SRP54: variants seen among roughly 807,000 people sequenced by gnomAD.
The protein encoded by SRP54 is signal recognition particle 54, also known as signal recognition particle subunit SRP54.
In SRP54, 10 loss-of-function variants were observed where a neutral mutation model predicts 64.8. The observed-to-expected ratio is 0.15, with a 90% CI of 0.10 to 0.26. SRP54 has a LOEUF of 0.26. Among genes scored for constraint, SRP54 ranks in the 10% least tolerant of loss-of-function variants. The probability of loss-of-function intolerance (pLI) is 1.00; values close to 1 mark genes in which losing one functional copy is unlikely to be tolerated. For synonymous variants in SRP54, 193 were observed against 185.6 expected (o/e 1.04, Z -0.32); for missense variants, 325 against 613.7 (o/e 0.53, Z 4.97).
intron 15 of SRP54, 25 bp from the exon 16 acceptor site, chr14:35,029,036 C>T (rs770594170): frequency 1.3e-6 from 2 of 1,582,536 alleles, no homozygotes; most frequent in East Asian, 2.2e-5. Flanking sequence ...CTGTTTTTAA[C>T]TCTACTTCCC....
At chr14:35,027,485 C>T (rs2044651117) in intron 14 of SRP54, among the ~76,000 whole-genome samples, 1 of 152,122 alleles carries the variant, frequency 6.6e-6, no homozygotes, top group South Asian at 2.1e-4. Flanking sequence ...TGACCAGGTA[C>T]GGTGTCTCAC....
intron 10 of SRP54, 132 bp from the exon 11 acceptor site, chr14:35,014,612 C>A: frequency 1.5e-6 from 1 of 671,996 alleles, no homozygotes; most frequent in Non-Finnish European, 2.5e-6. Flanking sequence ...TTGGTTTTCT[C>A]ATTTGTGTAG....
Position 35,025,831 on chromosome 14 carries a change from G to A in SRP54, c.1328-2257G>A, listed in dbSNP as rs557926124. Among the ~76,000 whole-genome samples the A allele has an allele frequency of 2.0e-5, 3 of 152,206 alleles. No homozygotes were observed. The East Asian group carries it at 5.8e-4, about 29-fold the overall frequency. ...TAACCAGCTGTGATTGGAGAATCAGGAGGAGCTTTGAGTCCCATATTTTAT... is the reference window on the plus strand; with the variant it reads ...TAACCAGCTGTGATTGGAGAATCAGAAGGAGCTTTGAGTCCCATATTTTAT... On this transcript the variant is annotated intron_variant, in intron 14 of 15. Coordinates refer to ENST00000216774, the MANE Select transcript of SRP54 (RefSeq NM_003136.4).
At chr14:35,011,477 G>T (rs755935587) in intron 7 of SRP54, 32 bp from the exon 8 acceptor site, 21 of 1,379,266 alleles carry the variant, frequency 1.5e-5, no homozygotes, top group African/African-American at 8.8e-5. Context: ...AAGTTTTGTC[G>T]TTTTGTTAAA....
intron 12 of SRP54, 55 bp from the exon 13 acceptor site, chr14:35,018,911 A>T (rs2044482330): frequency 2.6e-6 from 4 of 1,521,268 alleles, no homozygotes; most frequent in Non-Finnish European, 3.6e-6. Context: ...AAATGTGGAC[A>T]TTTTGAACCA....
intron 2 of SRP54, among the ~76,000 whole-genome samples, chr14:34,999,015 T>TG (rs1555353531): frequency 2.3e-5 from 1 of 43,492 alleles, no homozygotes; most frequent in African/African-American, 6.4e-5. Flanking sequence ...GTGTGTGTGG[T>TG]TTTTTTTTTT....
intron 4 of SRP54, among the ~76,000 whole-genome samples, chr14:35,005,509 G>A (rs2044242527): frequency 6.6e-6 from 1 of 152,034 alleles, no homozygotes; most frequent in Non-Finnish European, 1.5e-5. Context: ...CAATCTTACT[G>A]CCTCAGCCTC....
intron 14 of SRP54, among the ~76,000 whole-genome samples, chr14:35,026,716 G>A (rs1215702354): frequency 2.6e-5 from 4 of 152,132 alleles, no homozygotes; most frequent in Non-Finnish European, 5.9e-5. Context: ...AGGCCAAGGC[G>A]GGCAGATCAT....
chr14:35,011,452 A>G (rs2044356792), intron 7 of SRP54, 57 bp from the exon 8 acceptor site: 2 of 1,297,044 alleles, frequency 1.5e-6, no homozygotes, highest in African/African-American at 1.5e-5. Flanking sequence ...AACTTTCCGA[A>G]TTAGTAGTAT....
chr14:35,018,917 A>C (rs1431674351), intron 12 of SRP54, 49 bp from the exon 13 acceptor site: 1 of 1,535,644 alleles, frequency 6.5e-7, no homozygotes, highest in Non-Finnish European at 9.0e-7. Flanking sequence ...GGACATTTTG[A>C]ACCATTAATC....
At chr14:35,014,697 G>A in intron 10 of SRP54, 47 bp from the exon 11 acceptor site, 9 of 1,386,486 alleles carry the variant, frequency 6.5e-6, no homozygotes, top group Non-Finnish European at 9.2e-6. Flanking sequence ...ATAATGTGAA[G>A]CAGGGTATAG....
intron 4 of SRP54, among the ~76,000 whole-genome samples, chr14:35,001,233 C>T (rs2044166885): frequency 7.0e-6 from 1 of 143,402 alleles, no homozygotes; most frequent in Admixed American, 7.3e-5. Flanking sequence ...TGGAGTGCAA[C>T]CTCCGCCTCC....
chr14:35,022,244 G>C (rs2044543565), intron 13 of SRP54, among the ~76,000 whole-genome samples: 1 of 152,028 alleles, frequency 6.6e-6, no homozygotes, highest in Admixed American at 6.6e-5. Context: ...TGTTGGACAT[G>C]GGGTCTCGAA....
At position 34,984,763 on chromosome 14, in the gene SRP54, A is replaced by G. The variant is rs1594972689; in HGVS notation, c.-34+1548A>G. Among the ~76,000 whole-genome samples the G allele has an allele frequency of 3.3e-5, 5 of 152,220 alleles. No homozygotes were observed. The South Asian group carries it at 1.0e-3, about 32-fold the overall frequency. ...GTGATCCGCCTGCTTCGGCCTCCCA[A>G]AGTGCTGGGATTACAGGTGTGAGCC... On this transcript the variant is annotated intron_variant, in intron 1 of 15. Transcript: ENST00000216774.
At chr14:35,014,401 C>G (rs2044406255) in intron 10 of SRP54, among the ~76,000 whole-genome samples, 1 of 151,880 alleles carries the variant, frequency 6.6e-6, no homozygotes, top group Admixed American at 6.6e-5. Flanking sequence ...CCTTAGCCTC[C>G]CAGGTAGCTG....
chr14:35,018,552 G>A (rs1237027506), intron 11 of SRP54, 140 bp from the exon 12 acceptor site: 1 of 668,970 alleles, frequency 1.5e-6, no homozygotes, highest in Admixed American at 3.0e-5. Flanking sequence ...CTTGCACATG[G>A]TAACTGCTTG....
At chr14:35,010,577 C>A (rs1315424128) in intron 7 of SRP54, among the ~76,000 whole-genome samples, 1 of 151,942 alleles carries the variant, frequency 6.6e-6, no homozygotes. Flanking sequence ...CCATCCTGAC[C>A]AACATGGTGA....
intron 4 of SRP54, among the ~76,000 whole-genome samples, chr14:35,006,062 A>G (rs1648062062): frequency 6.6e-6 from 1 of 151,648 alleles, no homozygotes; most frequent in Admixed American, 6.6e-5. Flanking sequence ...GATGGTCTCA[A>G]TCTCCTGACC....
chr14:35,005,788 A>C (rs974335469), intron 4 of SRP54, among the ~76,000 whole-genome samples: 1 of 152,170 alleles, frequency 6.6e-6, no homozygotes, highest in African/African-American at 2.4e-5. Flanking sequence ...ATACATTTCA[A>C]GCTCCAAACA....
Sources: allele counts gnomAD v4.1 joint callset (sites outside exome capture counted in the v4.1 genomes callset), GRCh38; gene constraint gnomAD v4.1.1; transcripts MANE v1.5; gene names NCBI Gene and HGNC (gene_info 2026-07-23, HGNC 2026-07-21).